Variants in QTGAL observed in about 807,000 individuals in gnomAD.
QTGAL encodes the protein queuosine-tRNA galactosyltransferase, also known as BGnT-like protein 1.
the QTGAL span, among the ~76,000 whole-genome samples, chr17:83,011,924 T>C: frequency 1.7e-4 from 26 of 150,812 alleles, no homozygotes; most frequent in African/African-American, 6.1e-4. Flanking sequence ...CCCAGCTCGT[T>C]TGAACACACG....
At chr17:82,999,658 G>T in the QTGAL span, among the ~76,000 whole-genome samples, 1 of 152,204 alleles carries the variant, frequency 6.6e-6, no homozygotes, top group East Asian at 1.9e-4. Flanking sequence ...ATAAGGAAGA[G>T]AAAATACATT....
chr17:83,048,867 A>C, the QTGAL span: 4 of 1,085,766 alleles, frequency 3.7e-6, no homozygotes, highest in East Asian at 9.4e-5. Context: ...CCCCTTCACC[A>C]CCCGCACATA....
At chr17:83,021,606 T>C in the QTGAL span, among the ~76,000 whole-genome samples, 1 of 152,196 alleles carries the variant, frequency 6.6e-6, no homozygotes, top group African/African-American at 2.4e-5. Flanking sequence ...ATAGATTCAA[T>C]GTAATCCCAA....
the QTGAL span, among the ~76,000 whole-genome samples, chr17:83,034,027 G>A: frequency 2.0e-5 from 3 of 151,808 alleles, no homozygotes; most frequent in Admixed American, 6.6e-5. Flanking sequence ...TGCAACCTCC[G>A]CCTCCTGGGT....
At chr17:82,944,535 G>T in the QTGAL span, 26,654 of 152,284 alleles carry the variant, frequency 0.18, 2,706 homozygotes, top group Admixed American at 0.24. Context: ...CTCCGAGAAG[G>T]TGTTCAGAAA....
the QTGAL span, chr17:82,948,975 T>C: frequency 6.6e-6 from 1 of 152,270 alleles, no homozygotes; most frequent in Non-Finnish European, 1.5e-5. Flanking sequence ...TACAAAAATA[T>C]CAAATGGCAG....
At chr17:83,017,308 T>C in the QTGAL span, among the ~76,000 whole-genome samples, 2 of 152,298 alleles carry the variant, frequency 1.3e-5, no homozygotes, top group African/African-American at 4.8e-5. Context: ...CAATAAGTTA[T>C]TGTATATTTC....
the QTGAL span, among the ~76,000 whole-genome samples, chr17:82,951,419 T>C: frequency 1.3e-5 from 2 of 152,216 alleles, no homozygotes; most frequent in Non-Finnish European, 2.9e-5. Flanking sequence ...CTTCACAGAA[T>C]TGAAGAGAGT....
At chr17:82,942,679 C>T in the QTGAL span, 89 of 620,212 alleles carry the variant, frequency 1.4e-4, 2 homozygotes, top group South Asian at 1.7e-3. Flanking sequence ...CACAAATGTG[C>T]TTCCTATAAA....
the QTGAL span, among the ~76,000 whole-genome samples, chr17:82,984,590 T>A: frequency 5.3e-5 from 4 of 74,918 alleles, no homozygotes; most frequent in Admixed American, 1.5e-4. Context: ...GGCTACAGGG[T>A]CGTGCAGGGA....
the QTGAL span, among the ~76,000 whole-genome samples, chr17:82,983,970 GA>G: frequency 6.6e-6 from 1 of 152,076 alleles, no homozygotes; most frequent in African/African-American, 2.4e-5. Flanking sequence ...TGAGCACACA[GA>G]AGAGAGGCCA....
At chr17:83,031,115 T>C in the QTGAL span, among the ~76,000 whole-genome samples, 1 of 152,276 alleles carries the variant, frequency 6.6e-6, no homozygotes, top group African/African-American at 2.4e-5. Flanking sequence ...TACTTTGTTT[T>C]ATTCTACTAA....
chr17:82,953,697 C>CA, the QTGAL span, among the ~76,000 whole-genome samples: 1 of 152,028 alleles, frequency 6.6e-6, no homozygotes, highest in Non-Finnish European at 1.5e-5. Context: ...AGAGACACAA[C>CA]AAAAAAAATT....
the QTGAL span, among the ~76,000 whole-genome samples, chr17:83,000,412 A>T: frequency 9.8e-5 from 15 of 152,342 alleles, no homozygotes; most frequent in Middle Eastern, 6.8e-3. Context: ...TCAGTCGTGC[A>T]GCACGCACTG....
the QTGAL span, chr17:82,957,206 C>T: frequency 5.6e-5 from 90 of 1,614,078 alleles, no homozygotes; most frequent in Non-Finnish European, 7.5e-5. Context: ...GCAATAGAAG[C>T]CTTTCCTGAT....
At chr17:83,031,325 C>G in the QTGAL span, among the ~76,000 whole-genome samples, 1 of 150,328 alleles carries the variant, frequency 6.7e-6, no homozygotes, top group Admixed American at 6.6e-5. Flanking sequence ...CAACGGCCGC[C>G]AGAGCACCCA....
chr17:82,978,749 G>A, the QTGAL span: 1 of 152,140 alleles, frequency 6.6e-6, no homozygotes, highest in Admixed American at 6.5e-5. The surrounding 1 kb of genome is among the most constrained non-coding windows in gnomAD (Gnocchi z 4.8). Flanking sequence ...TTCTCAGAAT[G>A]CCCTTCTCAG....
chr17:82,969,014 G>A, the QTGAL span, among the ~76,000 whole-genome samples: 11 of 151,648 alleles, frequency 7.3e-5, no homozygotes, highest in Admixed American at 7.2e-4. Context: ...GGTGCCTGTA[G>A]TCCCAGCTAC....
chr17:82,957,353 G>T, the QTGAL span: 1 of 1,613,402 alleles, frequency 6.2e-7, no homozygotes, highest in Non-Finnish European at 8.5e-7. Flanking sequence ...GTGGCAGGAT[G>T]CTCACCTTGC....
Sources: allele counts gnomAD v4.1 joint callset (sites outside exome capture counted in the v4.1 genomes callset), GRCh38; gene constraint gnomAD v4.1.1; non-coding constraint Gnocchi (gnomAD v3.1); transcripts MANE v1.5; gene names NCBI Gene and HGNC (gene_info 2026-07-23, HGNC 2026-07-21).